Variants in DNAJC16 observed in about 807,000 individuals in gnomAD.
DNAJC16 encodes the protein DnaJ heat shock protein family (Hsp40) member C16.
In DNAJC16, 76 loss-of-function variants were observed where a neutral mutation model predicts 92.7. The observed-to-expected ratio is 0.82, with a 90% CI of 0.68 to 0.99. The LOEUF (loss-of-function observed/expected upper bound fraction) is 0.99, where lower values mean the gene tolerates loss of function less well. Among genes scored for constraint, DNAJC16 ranks in the 50% least tolerant of loss-of-function variants. The pLI is 0.00. For synonymous variants in DNAJC16, 328 were observed against 358.7 expected, an observed-to-expected ratio of 0.91 and a Z score of 0.97; for missense variants, 869 against 942.4, an observed-to-expected ratio of 0.92 and a Z score of 1.02.
chr1:15,532,747 G>A (rs137910146), intron 2 of DNAJC16, among the ~76,000 whole-genome samples: 68 of 151,306 alleles, frequency 4.5e-4, no homozygotes, highest in African/African-American at 1.3e-3. Flanking sequence ...TCTCCATCTC[G>A]TTTCCTTAAG....
chr1:15,561,632 C>T (rs896684322), intron 8 of DNAJC16, among the ~76,000 whole-genome samples: 14 of 151,670 alleles, frequency 9.2e-5, no homozygotes, highest in African/African-American at 3.4e-4. Flanking sequence ...TACAGTGAGC[C>T]GAGATCACAC....
Position 15,538,382 on chromosome 1 carries a change from G to A in DNAJC16, c.574+1568G>A, listed in dbSNP as rs34139456. 2.0e-3 allele frequency among the ~76,000 whole-genome samples: 298 copies of A among 151,018 alleles called. 2 individuals carry two copies. Among genetic ancestry groups the A allele is most frequent in the South Asian group, 5.0e-3 (24 of 4,754 alleles). On this transcript the variant is annotated intron_variant, in intron 4 of 14. Transcript: ENST00000375847. ...TGCACTCCAGCCTGGGTGACAGAGC[G>A]AGACTCTGTCTCAAGAAAAAAAAAT...
In DNAJC16 at chr1:15,529,152, T is replaced by C. The variant is rs1386904146; in HGVS notation, c.47T>C (p.Leu16Pro). ...LSISWQFLIV[L>P]VLILQILSAL... ...ATTTCCTGGCAGTTCTTGATAGTTC[T>C]GGTTCTGATCCTGCAAATTCTGTCT... Residue 16 changes from leucine to proline, a missense_variant, in exon 2 of 15, where the codon CTG becomes CCG. Leu to Pro is a moderately conservative substitution (Grantham distance 98). Coordinates refer to ENST00000375847, the MANE Select transcript of DNAJC16 (RefSeq NM_015291.4). 6.2e-7 allele frequency: 1 copy of C among 1,614,142 alleles called. No individual in the cohort carries two copies. Among genetic ancestry groups the C allele is most frequent in the Non-Finnish European group, 8.5e-7 (1 of 1,179,998 alleles).
chr1:15,546,267 T>A (rs1638299551), intron 5 of DNAJC16, among the ~76,000 whole-genome samples: 1 of 152,118 alleles, frequency 6.6e-6, no homozygotes, highest in African/African-American at 2.4e-5. Context: ...TGAGCCATGA[T>A]CATGCCACTG....
chr1:15,550,021 A>C (rs1482026086), intron 7 of DNAJC16, among the ~76,000 whole-genome samples: 1 of 152,112 alleles, frequency 6.6e-6, no homozygotes, highest in African/African-American at 2.4e-5. Flanking sequence ...GGTTTCAGGC[A>C]CCTACTGGGG....
chr1:15,546,934 T>TTTTTTAAA, intron 6 of DNAJC16, 63 bp downstream of exon 6: 1 of 985,322 alleles, frequency 1.0e-6, no homozygotes, highest in Non-Finnish European at 1.5e-6. Flanking sequence ...TTTTTTTTTT[T>TTTTTTAAA]AGCAGAAAGT....
At chr1:15,533,220 G>A (rs920507519) in intron 2 of DNAJC16, among the ~76,000 whole-genome samples, 1 of 152,200 alleles carries the variant, frequency 6.6e-6, no homozygotes, top group Non-Finnish European at 1.5e-5. Context: ...AAAGCTGGCC[G>A]GGTGTGGTAG....
At position 15,564,381 on chromosome 1, in the gene DNAJC16, A is replaced by G. The variant is rs180930595; in HGVS notation, c.1598+22A>G. On this transcript the variant is annotated intron_variant, in intron 11 of 14. Coordinates refer to ENST00000375847, the MANE Select transcript of DNAJC16 (RefSeq NM_015291.4). ...ACTGGTAGGGATATTGCCAGGCTGA[A>G]TTTCTTTTTCTCTGTTAATACTGAT... 2.1e-3 allele frequency: 3,158 copies of G among 1,497,706 alleles called. 17 individuals carry two copies. Among genetic ancestry groups the G allele is most frequent in the Non-Finnish European group, 2.1e-3 (2,284 of 1,074,072 alleles). The allele number at this position is 1,497,706 out of a possible 1,614,324, so 92.8% of individuals were successfully genotyped here.
chr1:15,540,873 G>A (rs1710916706), intron 4 of DNAJC16, among the ~76,000 whole-genome samples: 1 of 152,160 alleles, frequency 6.6e-6, no homozygotes, highest in African/African-American at 2.4e-5. Flanking sequence ...GCAATCCCTG[G>A]TAAGGTCATT....
chr1:15,537,414 T>C (rs112442952), intron 4 of DNAJC16, among the ~76,000 whole-genome samples: 1,742 of 152,194 alleles, frequency 0.011, 40 homozygotes, highest in African/African-American at 0.039. Context: ...TGACCTTGAG[T>C]TCACCATTTG....
chr1:15,543,621 A>G (rs756752212), intron 4 of DNAJC16, among the ~76,000 whole-genome samples: 5 of 152,218 alleles, frequency 3.3e-5, no homozygotes, highest in African/African-American at 4.8e-5. Flanking sequence ...CCTGGCTGCT[A>G]TGTTAAGAAC....
intron 1 of DNAJC16, among the ~76,000 whole-genome samples, chr1:15,527,402 C>G (rs989767562): frequency 2.3e-4 from 35 of 152,340 alleles, no homozygotes; most frequent in Middle Eastern, 3.4e-3. Flanking sequence ...AATAATAGCA[C>G]TAACGACCAT....
At position 15,544,576 on chromosome 1, in the gene DNAJC16, T is replaced by C. The variant is rs890119161; in HGVS notation, c.752T>C (p.Val251Ala). 4.3e-6 allele frequency: 7 copies of C among 1,613,946 alleles called. No individual in the cohort carries two copies. The African/African-American group carries it at 8.0e-5, about 18-fold the overall frequency. Residue 251 changes from valine (V) to alanine (A), a missense_variant, in exon 5 of 15, where the codon GTG (valine) becomes GCG (alanine). Transcript: ENST00000375847. ...GAAAGTCTTCTTCCAGGGAACTTGG[T>C]GGAGAAAGTAAGTATCTGTCAAGGA... ...FVESLLPGNL[V>A]EKVTNKNYVR...
At chr1:15,550,110 A>G (rs1462185395) in intron 7 of DNAJC16, among the ~76,000 whole-genome samples, 1 of 152,188 alleles carries the variant, frequency 6.6e-6, no homozygotes, top group East Asian at 1.9e-4. Flanking sequence ...GACAAAACTC[A>G]GAACAGCCAC....
At chr1:15,527,134 T>G (rs1323842890) in intron 1 of DNAJC16, among the ~76,000 whole-genome samples, 176 bp downstream of exon 1, 1 of 151,952 alleles carries the variant, frequency 6.6e-6, no homozygotes, top group East Asian at 1.9e-4. Context: ...GGCTGTCTCC[T>G]GCAGGGTTGC....
chr1:15,539,168 G>T (rs1710869744), intron 4 of DNAJC16, among the ~76,000 whole-genome samples: 1 of 152,286 alleles, frequency 6.6e-6, no homozygotes, highest in African/African-American at 2.4e-5. Flanking sequence ...AGGGTGTGCA[G>T]ATTAGCCAGA....
intron 7 of DNAJC16, among the ~76,000 whole-genome samples, chr1:15,559,112 G>A (rs563199583): frequency 5.3e-5 from 8 of 152,168 alleles, no homozygotes; most frequent in African/African-American, 1.9e-4. Context: ...GCTAATTTCT[G>A]TATTTTTAGC....
At chr1:15,551,580 T>C (rs1397911616) in intron 7 of DNAJC16, among the ~76,000 whole-genome samples, 2 of 151,030 alleles carry the variant, frequency 1.3e-5, no homozygotes, top group African/African-American at 2.4e-5. Context: ...TCTGATGAGA[T>C]TGGTTCATCA....
At chr1:15,560,817 G>A (rs1040325718) in intron 8 of DNAJC16, among the ~76,000 whole-genome samples, 16 of 151,508 alleles carry the variant, frequency 1.1e-4, no homozygotes, top group Admixed American at 3.9e-4. Flanking sequence ...AGCCACCATC[G>A]TCTCCCAGCG....
Sources: allele counts gnomAD v4.1 joint callset (sites outside exome capture counted in the v4.1 genomes callset), GRCh38; gene constraint gnomAD v4.1.1; transcripts MANE v1.5; gene names NCBI Gene and HGNC (gene_info 2026-07-23, HGNC 2026-07-21).